Variants in RABL3 observed in about 807,000 individuals in gnomAD.
RABL3 encodes the protein RAB, member of RAS oncogene family like 3, also known as rab-like protein 3.
RABL3 carries 31 observed loss-of-function variants against 31.8 expected under a neutral mutation model. The observed-to-expected ratio is 0.97, with a 90% CI of 0.73 to 1.31. RABL3 has a LOEUF of 1.31. Ranked by LOEUF, RABL3 falls within the 40% of genes most tolerant of loss-of-function variation. The probability of loss-of-function intolerance (pLI) is 0.00; values close to 1 mark genes in which losing one functional copy is unlikely to be tolerated. For synonymous variants in RABL3, 97 were observed against 99.9 expected (o/e 0.97, Z 0.18); for missense variants, 263 against 279.6 (o/e 0.94, Z 0.42).
At chr3:120,710,751 T>A (rs1207439149) in intron 2 of RABL3, among the ~76,000 whole-genome samples, 1 of 152,096 alleles carries the variant, frequency 6.6e-6, no homozygotes, top group Non-Finnish European at 1.5e-5. Flanking sequence ...ATTCTCAGCA[T>A]ACAAACATGG....
chr3:120,695,408 G>T (rs560834139), intron 5 of RABL3, among the ~76,000 whole-genome samples: 1 of 152,188 alleles, frequency 6.6e-6, no homozygotes, highest in Non-Finnish European at 1.5e-5. Flanking sequence ...GTGTAACACT[G>T]GTTAGGGTAC....
intron 2 of RABL3, among the ~76,000 whole-genome samples, chr3:120,715,461 T>C (rs1486298800): frequency 1.3e-5 from 2 of 152,034 alleles, no homozygotes; most frequent in Non-Finnish European, 2.9e-5. Context: ...TTCTTGATCC[T>C]GGGAGGCAGA....
intron 3 of RABL3, among the ~76,000 whole-genome samples, chr3:120,709,306 G>T (rs1708585511): frequency 6.6e-6 from 1 of 151,836 alleles, no homozygotes; most frequent in Non-Finnish European, 1.5e-5. Flanking sequence ...TAAAATTTCT[G>T]CACCCATAAA....
At chr3:120,730,031 A>G (rs913767102) in intron 2 of RABL3, among the ~76,000 whole-genome samples, 23 of 152,208 alleles carry the variant, frequency 1.5e-4, no homozygotes, top group African/African-American at 4.8e-4. Context: ...AGAAATAATA[A>G]TTAGTCTTAC....
At chr3:120,737,707 G>C (rs1276227331) in intron 1 of RABL3, among the ~76,000 whole-genome samples, 5 of 152,122 alleles carry the variant, frequency 3.3e-5, no homozygotes, top group African/African-American at 4.8e-5. Flanking sequence ...TTTTGTTGTG[G>C]ATGTCCTTTC....
In RABL3 at chr3:120,688,880, G is replaced by A. The variant is rs1289710317; in HGVS notation, c.*943C>T. 1.3e-5 allele frequency: 2 copies of A among 152,080 alleles called. No homozygotes were observed. Among genetic ancestry groups the A allele is most frequent in the African/African-American group, 2.4e-5 (1 of 41,412 alleles). 9.4% of individuals were successfully genotyped at this position (152,080 alleles called of 1,614,324 possible). A position where few individuals can be genotyped will look rare whatever the true frequency, so the allele number is the denominator to read the frequency against. ...ATCCTAGTTCATAATTCATGTAAAT[G>A]TGTTGCTGTGGAACTTATTTTTACT... On this transcript the variant is annotated 3_prime_UTR_variant, in exon 8 of 8. Transcript: ENST00000273375.
intron 6 of RABL3, among the ~76,000 whole-genome samples, chr3:120,692,978 G>A (rs1289443347): frequency 6.6e-6 from 1 of 152,120 alleles, no homozygotes; most frequent in Non-Finnish European, 1.5e-5. Flanking sequence ...TGAAAACAAT[G>A]TGGGCAAAAA....
chr3:120,735,393 C>G (rs1262735243), intron 1 of RABL3, among the ~76,000 whole-genome samples: 2 of 151,706 alleles, frequency 1.3e-5, no homozygotes, highest in Non-Finnish European at 2.9e-5. Context: ...TGGTGATATC[C>G]CCTTTATCAT....
rs1476194305 is a variant in RABL3 at position 120,687,034 on chromosome 3, C to T, written c.*2789G>A. 6.6e-6 allele frequency: 1 copy of T among 152,040 alleles called. No homozygotes were observed. The highest frequency in any genetic ancestry group is 2.4e-5 in the African/African-American group (1 of 41,380). 9.4% of individuals were successfully genotyped at this position (152,040 alleles called of 1,614,324 possible). ...AGAAACCTTGCTTCTGCAGTTTTCTCAAATAACAGGGTGCAATATTTTGGG... is the reference window on the plus strand; with the variant it reads ...AGAAACCTTGCTTCTGCAGTTTTCTTAAATAACAGGGTGCAATATTTTGGG... On this transcript the variant is annotated 3_prime_UTR_variant, in exon 8 of 8. Coordinates refer to ENST00000273375, the MANE Select transcript of RABL3 (RefSeq NM_173825.5).
In RABL3 at chr3:120,689,991, T is replaced by C. The variant is rs1708360925; in HGVS notation, c.646-103A>G. ...TCCATTTCTGTATGTCAGCCTGCTG[T>C]TTCTTAAAAAAACAACTTTCTGAGG... On this transcript the variant is annotated intron_variant, in intron 7 of 7. Coordinates refer to ENST00000273375, the MANE Select transcript of RABL3 (RefSeq NM_173825.5). 2.5e-5 allele frequency: 22 copies of C among 891,582 alleles called. No individual in the cohort carries two copies. The East Asian group carries it at 5.4e-4, about 22-fold the overall frequency. The allele number at this position is 891,582 out of a possible 1,614,324, so 55.2% of individuals were successfully genotyped here.
At chr3:120,709,995 TC>T in intron 2 of RABL3, 86 bp from the exon 3 acceptor site, 1 of 968,296 alleles carries the variant, frequency 1.0e-6, no homozygotes, top group Non-Finnish European at 1.5e-6. Context: ...CATTTCAGCA[TC>T]TTACTCTGAC....
At chr3:120,738,473 A>C (rs1325600157) in intron 1 of RABL3, 1 of 151,764 alleles carries the variant, frequency 6.6e-6, no homozygotes, top group African/African-American at 2.4e-5. Context: ...AGTGGGCTGC[A>C]CCCACTGTCC....
chr3:120,716,988 C>T (rs1026992282), intron 2 of RABL3, among the ~76,000 whole-genome samples: 1 of 152,176 alleles, frequency 6.6e-6, no homozygotes, highest in Admixed American at 6.5e-5. Flanking sequence ...CATGGTGGCT[C>T]ACTCCTGTAA....
At chr3:120,723,615 T>C (rs935385260) in intron 2 of RABL3, among the ~76,000 whole-genome samples, 1 of 152,228 alleles carries the variant, frequency 6.6e-6, no homozygotes, top group Non-Finnish European at 1.5e-5. Flanking sequence ...CAAGTGGGCT[T>C]CATCCCTGGG....
intron 2 of RABL3, among the ~76,000 whole-genome samples, chr3:120,726,788 A>G (rs1428837779): frequency 2.0e-5 from 3 of 151,886 alleles, no homozygotes; most frequent in Non-Finnish European, 2.9e-5. Context: ...AAACAATAAA[A>G]AAAACTGGAC....
intron 2 of RABL3, among the ~76,000 whole-genome samples, chr3:120,726,252 T>TA (rs1451377881): frequency 2.0e-5 from 3 of 152,184 alleles, no homozygotes; most frequent in South Asian, 2.1e-4. Flanking sequence ...GGAGAACATA[T>TA]AAGCCTTTTG....
chr3:120,698,707 T>C (rs1277341695), intron 4 of RABL3, 134 bp from the exon 5 acceptor site: 3 of 714,358 alleles, frequency 4.2e-6, no homozygotes, highest in Non-Finnish European at 7.0e-6. Context: ...ACAAACCTAC[T>C]TTCCTTCCAA....
intron 3 of RABL3, 106 bp downstream of exon 3, chr3:120,709,674 A>G (rs1708589948): frequency 1.2e-6 from 1 of 834,536 alleles, no homozygotes; most frequent in South Asian, 1.8e-5. Context: ...TGAGTACATT[A>G]TATCTTTCTC....
Position 120,688,196 on chromosome 3 carries a change from G to T in RABL3, c.*1627C>A, listed in dbSNP as rs1708337132. 6.6e-6 allele frequency: 1 copy of T among 152,584 alleles called. No individual in the cohort carries two copies. The highest frequency in any genetic ancestry group is 2.4e-5 in the African/African-American group (1 of 41,436). The allele number at this position is 152,584 out of a possible 1,614,324, so 9.5% of individuals were successfully genotyped here. On this transcript the variant is annotated 3_prime_UTR_variant, in exon 8 of 8. Coordinates refer to ENST00000273375, the MANE Select transcript of RABL3 (RefSeq NM_173825.5). Reference sequence around the variant, plus strand: ...AGGAAGGAAGATTTATTTCTTGAAGGAGAAATACAAAGAGCTTAATTGGGT... The same window carrying T: ...AGGAAGGAAGATTTATTTCTTGAAGTAGAAATACAAAGAGCTTAATTGGGT...
Sources: allele counts gnomAD v4.1 joint callset (sites outside exome capture counted in the v4.1 genomes callset), GRCh38; gene constraint gnomAD v4.1.1; transcripts MANE v1.5; gene names NCBI Gene and HGNC (gene_info 2026-07-23, HGNC 2026-07-21).